Variants in GLIS1 observed in about 807,000 individuals in gnomAD.
GLIS1 encodes the protein GLIS family zinc finger 1.
GLIS1 carries 24 observed loss-of-function variants against 63.8 expected under a neutral mutation model. The observed-to-expected ratio is 0.38, with a 90% CI of 0.27 to 0.53. The LOEUF is 0.53. GLIS1 is among the 20% of genes least tolerant of loss of function. The probability of loss-of-function intolerance (pLI) is 0.85; values close to 1 mark genes in which losing one functional copy is unlikely to be tolerated. For missense variants in GLIS1, 1,036 were observed against 1,074.1 expected (o/e 0.96, Z 0.50); for synonymous variants, 450 against 482.5 (o/e 0.93, Z 0.88).
intron 4 of GLIS1, among the ~76,000 whole-genome samples, chr1:53,552,722 G>A (rs1044892141): frequency 6.6e-6 from 1 of 152,210 alleles, no homozygotes; most frequent in African/African-American, 2.4e-5. Context: ...AGGCTGAGGG[G>A]CCAGAGGAGG....
rs117151696 is a variant in GLIS1, at chr1:53,539,398, C to T, written c.1321-9446G>A. On this transcript the variant is annotated intron_variant, in intron 4 of 10. Transcript: ENST00000628545. This position sits in a 1 kb window ranked among gnomAD's most constrained non-coding sequence, Gnocchi z 5.0. Reference sequence around the variant, plus strand: ...CACATATCATACCACACACACACTCCACAGCACATGAATGCACACCCCACA... The same window carrying T: ...CACATATCATACCACACACACACTCTACAGCACATGAATGCACACCCCACA... 8.8e-4 allele frequency among the ~76,000 whole-genome samples: 133 copies of T among 151,530 alleles called. 1 individual carries two copies. In the East Asian group the frequency reaches 0.022, roughly 25 times the overall value.
chr1:53,642,965 T>C (rs1645803167), intron 2 of GLIS1, among the ~76,000 whole-genome samples: 1 of 152,176 alleles, frequency 6.6e-6, no homozygotes. Context: ...ACTCAGGAAT[T>C]GTGAGCTGAG....
chr1:53,594,073 G>A (rs1272914223), intron 4 of GLIS1, 35 bp downstream of exon 4: 2 of 1,575,780 alleles, frequency 1.3e-6, no homozygotes, highest in Non-Finnish European at 1.7e-6. Context: ...TGCCAGAGGG[G>A]CTGGGGTGAG....
At chr1:53,714,109 T>C (rs2100531904) in intron 2 of GLIS1, among the ~76,000 whole-genome samples, 1 of 152,344 alleles carries the variant, frequency 6.6e-6, no homozygotes, top group East Asian at 1.9e-4. Flanking sequence ...AATGGGGTTT[T>C]GTTGTTAGAA....
intron 4 of GLIS1, among the ~76,000 whole-genome samples, chr1:53,576,701 C>T (rs1645035119): frequency 6.6e-6 from 1 of 152,144 alleles, no homozygotes; most frequent in South Asian, 2.1e-4. Flanking sequence ...ATGACCACAA[C>T]GTGCACACAC....
At chr1:53,687,235 G>A (rs914841695) in intron 2 of GLIS1, among the ~76,000 whole-genome samples, 1 of 152,194 alleles carries the variant, frequency 6.6e-6, no homozygotes, top group African/African-American at 2.4e-5. Flanking sequence ...TTGGGCAGAG[G>A]AGGACGGAAG....
At chr1:53,542,249 C>T (rs768233460) in intron 4 of GLIS1, among the ~76,000 whole-genome samples, 5 of 152,182 alleles carry the variant, frequency 3.3e-5, no homozygotes, top group African/African-American at 1.2e-4. Context: ...ACTCAAGCGC[C>T]GGGGGGAAGG....
chr1:53,528,990 G>A (rs542101903), intron 5 of GLIS1, among the ~76,000 whole-genome samples: 5 of 152,272 alleles, frequency 3.3e-5, no homozygotes, highest in East Asian at 1.9e-4. Context: ...CTCTGCCACC[G>A]TCCAGCTGTG....
chr1:53,713,546 C>A (rs1317219830), intron 2 of GLIS1, among the ~76,000 whole-genome samples: 1 of 152,220 alleles, frequency 6.6e-6, no homozygotes, highest in African/African-American at 2.4e-5. Context: ...AAGACCTCGT[C>A]TCTTCAAGAC....
At chr1:53,605,159 G>A (rs917349164) in intron 2 of GLIS1, among the ~76,000 whole-genome samples, 3 of 152,148 alleles carry the variant, frequency 2.0e-5, no homozygotes, top group Non-Finnish European at 2.9e-5. Context: ...CTGAGGGTGT[G>A]AAATCACTGT....
chr1:53,564,429 T>G (rs992985764), intron 4 of GLIS1, among the ~76,000 whole-genome samples: 1 of 151,494 alleles, frequency 6.6e-6, no homozygotes, highest in Non-Finnish European at 1.5e-5. Context: ...AAAGGAAGCA[T>G]AGGAAAAAGC....
Position 53,520,748 on chromosome 1 carries a change from T to A in GLIS1, c.1612A>T (p.Thr538Ser). The stretch of plus-strand genomic sequence containing the variant: ...CACTCGGTCAGGACGTCGGCCTCGG[T>A]GTCAGGGCCCGCATGCAGCTGGGGA... The part of the protein sequence containing the change: ...VRKKLHAGPD[T>S]EADVLTECLV... Residue 538 changes from threonine to serine, a missense_variant, in exon 7 of 11, where the codon ACC becomes TCC. Physicochemically the swap from Thr to Ser is moderately conservative, Grantham distance 58 (BLOSUM62 1). This residue lies in a region of GLIS1 where 400 missense variants were observed against 400.9 expected (regional missense o/e 1.00). Transcript: ENST00000628545. 1 of 1,607,026 alleles carries A rather than the reference T, an allele frequency of 6.2e-7. No homozygotes were observed. The highest frequency in any genetic ancestry group is 8.5e-7 in the Non-Finnish European group (1 of 1,176,980).
chr1:53,599,917 G>A (rs1645298427), intron 3 of GLIS1, among the ~76,000 whole-genome samples, 184 bp downstream of exon 3: 1 of 152,260 alleles, frequency 6.6e-6, no homozygotes, highest in African/African-American at 2.4e-5. Flanking sequence ...GAACCATCTT[G>A]TGTCTCTCAG....
chr1:53,518,836 T>C (rs1007690315), intron 7 of GLIS1, among the ~76,000 whole-genome samples: 2 of 152,204 alleles, frequency 1.3e-5, no homozygotes, highest in Non-Finnish European at 2.9e-5. Context: ...GCTGGCCCTG[T>C]CCCTTCTCGC....
At chr1:53,677,717 C>T (rs550335455) in intron 2 of GLIS1, among the ~76,000 whole-genome samples, 113 of 152,384 alleles carry the variant, frequency 7.4e-4, no homozygotes, top group Non-Finnish European at 1.3e-3. Context: ...CTTCACTTCA[C>T]GCTTGCTGTC....
chr1:53,661,248 A>C (rs1646025501), intron 2 of GLIS1, among the ~76,000 whole-genome samples: 1 of 152,110 alleles, frequency 6.6e-6, no homozygotes, highest in South Asian at 2.1e-4. Context: ...CAGTCGAGAC[A>C]GTCAGGGAAG....
At chr1:53,556,389 GGTGT>G (rs1196524018) in intron 4 of GLIS1, among the ~76,000 whole-genome samples, 2 of 132,244 alleles carry the variant, frequency 1.5e-5, no homozygotes, top group South Asian at 2.5e-4. Context: ...GTGTACTGCA[GGTGT>G]GTGTGTGTGT....
In GLIS1 at chr1:53,539,836, G is replaced by GCTGGC. The variant is rs1017738996; in HGVS notation, c.1321-9889_1321-9885dup. ...TGCGCCTCCTGACCTCTGAGTGGTG[G>GCTGGC]CTGGCCTGGCCTGGCCTTGGGGACA... is the stretch of plus-strand genomic sequence containing the variant. On this transcript the variant is annotated intron_variant, in intron 4 of 10. Coordinates refer to ENST00000628545, the MANE Select transcript of GLIS1 (RefSeq NM_001367484.1). The surrounding 1 kb of genome is among the most constrained non-coding windows in gnomAD (Gnocchi z 5.0). Among the ~76,000 whole-genome samples the GCTGGC allele has an allele frequency of 2.6e-5, 4 of 152,134 alleles. No homozygotes were observed. Among genetic ancestry groups the GCTGGC allele is most frequent in the Non-Finnish European group, 5.9e-5 (4 of 68,024 alleles).
intron 2 of GLIS1, among the ~76,000 whole-genome samples, chr1:53,663,714 T>C (rs1646055917): frequency 6.6e-6 from 1 of 152,094 alleles, no homozygotes; most frequent in African/African-American, 2.4e-5. Context: ...GGCACTTCAC[T>C]GGAGCCCGGG....
Sources: allele counts gnomAD v4.1 joint callset (sites outside exome capture counted in the v4.1 genomes callset), GRCh38; gene constraint gnomAD v4.1.1; regional missense constraint gnomAD v4.1.1; non-coding constraint Gnocchi (gnomAD v3.1); transcripts MANE v1.5; gene names NCBI Gene and HGNC (gene_info 2026-07-23, HGNC 2026-07-21).